The following AUTS2 variants were observed in gnomAD, a reference collection of about 807,000 sequenced individuals.
AUTS2 encodes the protein autism susceptibility gene 2 protein.
Under a neutral mutation model 112.4 loss-of-function variants are expected in AUTS2, and 17 were observed. The ratio of observed to expected loss-of-function variants is 0.15; its 90% CI spans 0.10 to 0.23. AUTS2 has a LOEUF of 0.23. Among genes scored for constraint, AUTS2 ranks in the 10% least tolerant of loss-of-function variants. The pLI is 1.00. For synonymous variants in AUTS2, 751 were observed against 702.7 expected (o/e 1.07, Z -1.09); for missense variants, 1,510 against 1,701.6 (o/e 0.89, Z 1.98).
rs1190353917 is a variant in AUTS2, at chr7:69,599,358, C to T, written c.-296C>T. 3 of 325,232 alleles carry T rather than the reference C, an allele frequency of 9.2e-6. No individual in the cohort carries two copies. Among genetic ancestry groups the T allele is most frequent in the Non-Finnish European group, 1.7e-5 (3 of 179,334 alleles). The allele number at this position is 325,232 out of a possible 1,614,324, so 20.1% of individuals were successfully genotyped here. ...CTGTGTGTTCAGCCATTACTTTGCT[C>T]GGCGCTGCTCCCAGGCATCTCCGAC... is the stretch of plus-strand genomic sequence containing the variant. On this transcript the variant is annotated 5_prime_UTR_variant, in exon 1 of 19. Transcript: ENST00000342771. The surrounding 1 kb of genome is among the most constrained non-coding windows in gnomAD (Gnocchi z 7.0).
chr7:70,408,481 T>A (rs1794636550), intron 4 of AUTS2, among the ~76,000 whole-genome samples: 1 of 151,862 alleles, frequency 6.6e-6, no homozygotes, highest in South Asian at 2.1e-4. Context: ...GATAGGGAGG[T>A]CTAATCAGGG....
chr7:70,705,734 G>A (rs1030831292), intron 6 of AUTS2, among the ~76,000 whole-genome samples: 2 of 152,306 alleles, frequency 1.3e-5, no homozygotes, highest in African/African-American at 4.8e-5. Context: ...AAGTGGCCCA[G>A]AAAGTGGAGA....
rs1683637569 is a variant in AUTS2 at position 70,762,753 on chromosome 7, G to T, written c.743-117G>T. ...TGGAGACAAGGACCCAAGCCAGGAG[G>T]GTTGGTGCCAGGTCCTGTTGCTGGA... On this transcript the variant is annotated intron_variant, in intron 6 of 18. Transcript: ENST00000342771. The T allele has an allele frequency of 1.0e-5, 8 of 781,286 alleles. No individual in the cohort carries two copies. The South Asian group carries it at 1.3e-4, about 12-fold the overall frequency. The allele number at this position is 781,286 out of a possible 1,614,324, so 48.4% of individuals were successfully genotyped here. A position where few individuals can be genotyped will look rare whatever the true frequency, so the allele number is the denominator to read the frequency against.
chr7:70,649,284 C>T (rs1013658935), intron 5 of AUTS2, among the ~76,000 whole-genome samples: 6 of 151,676 alleles, frequency 4.0e-5, no homozygotes, highest in Non-Finnish European at 5.9e-5. Context: ...TCTGTGGTCT[C>T]AGCTACTTGG....
rs753954038 is a variant in AUTS2 at position 70,546,454 on chromosome 7, A to T, written c.690+110673A>T. ...GTGAGACTCTGTCTCAAAACAAATC[A>T]AAAAATTTAATATAATATGTGTTCA... On this transcript the variant is annotated intron_variant, in intron 5 of 18. Transcript: ENST00000342771. Among the ~76,000 whole-genome samples, 6 of 150,962 alleles carry T rather than the reference A, an allele frequency of 4.0e-5. No individual in the cohort carries two copies. In the East Asian group the frequency reaches 1.2e-3, roughly 30 times the overall value.
intron 2 of AUTS2, among the ~76,000 whole-genome samples, chr7:70,101,158 G>A (rs1043379224): frequency 6.6e-6 from 1 of 152,088 alleles, no homozygotes; most frequent in Non-Finnish European, 1.5e-5. Context: ...GATTACAGGC[G>A]TGAGCCACTT....
intron 1 of AUTS2, among the ~76,000 whole-genome samples, chr7:69,715,537 G>T (rs1421999778): frequency 2.0e-5 from 3 of 152,158 alleles, no homozygotes; most frequent in African/African-American, 7.2e-5. Context: ...CATATGCTCA[G>T]TGAGCTCTTC....
chr7:70,203,637 CAG>C (rs1463010762), intron 4 of AUTS2, among the ~76,000 whole-genome samples: 2 of 147,276 alleles, frequency 1.4e-5, no homozygotes. Flanking sequence ...CTTTTTTAAA[CAG>C]AGTCTTCTTT....
chr7:70,468,997 A>G (rs1324915869), intron 5 of AUTS2, among the ~76,000 whole-genome samples: 1 of 152,242 alleles, frequency 6.6e-6, no homozygotes, highest in Non-Finnish European at 1.5e-5. Context: ...ATATAAAATA[A>G]TCGTCAGTAG....
At chr7:70,282,883 C>T (rs900818297) in intron 4 of AUTS2, among the ~76,000 whole-genome samples, 2 of 152,170 alleles carry the variant, frequency 1.3e-5, no homozygotes, top group African/African-American at 4.8e-5. Flanking sequence ...TATCAGCTTT[C>T]ATATCCCCAT....
intron 12 of AUTS2, 24 bp downstream of exon 12, chr7:70,774,123 C>T (rs779038789): frequency 1.2e-6 from 2 of 1,611,044 alleles, no homozygotes; most frequent in Non-Finnish European, 1.7e-6. Context: ...CAGGCTTGGT[C>T]TCAGGTAACA....
chr7:69,760,743 T>A (rs1402425438), intron 1 of AUTS2, among the ~76,000 whole-genome samples: 5 of 152,042 alleles, frequency 3.3e-5, no homozygotes, highest in Admixed American at 6.6e-5. Context: ...ATGCTTGAAC[T>A]TGGGAGGTGG....
chr7:69,678,549 C>T (rs182093504), intron 1 of AUTS2, among the ~76,000 whole-genome samples: 4 of 152,258 alleles, frequency 2.6e-5, no homozygotes, highest in East Asian at 1.9e-4. Flanking sequence ...CAAATTGCCT[C>T]GTGTACAGAC....
intron 2 of AUTS2, among the ~76,000 whole-genome samples, chr7:70,086,626 G>GT (rs985262863): frequency 1.5e-5 from 2 of 136,606 alleles, no homozygotes; most frequent in African/African-American, 5.7e-5. Flanking sequence ...GGGCAGCTGA[G>GT]TGAGACTCCA....
intron 6 of AUTS2, among the ~76,000 whole-genome samples, chr7:70,738,832 C>T (rs891950884): frequency 2.6e-5 from 4 of 152,012 alleles, no homozygotes; most frequent in African/African-American, 7.3e-5. Flanking sequence ...ATACATAGTT[C>T]AAATACAAGG....
At position 70,435,187 on chromosome 7, in the gene AUTS2, G is replaced by A. The variant is rs116194045; in HGVS notation, c.661-565G>A. Among the ~76,000 whole-genome samples the A allele has an allele frequency of 3.1e-3, 479 of 152,240 alleles. 3 individuals are homozygous for A. The highest frequency in any genetic ancestry group is 0.011 in the African/African-American group (468 of 41,540). ...CTTCTATTCTCTGGGCCTCTAAACC[G>A]GAAAAGGCAGCCATCACAAGTGGTG... On this transcript the variant is annotated intron_variant, in intron 4 of 18. Transcript: ENST00000342771.
chr7:70,786,517 A>G (rs1287935984), intron 17 of AUTS2, among the ~76,000 whole-genome samples: 1 of 152,142 alleles, frequency 6.6e-6, no homozygotes, highest in African/African-American at 2.4e-5. Context: ...TTTATTCTCC[A>G]TCATCTAGGA....
At chr7:70,040,650 GGA>G (rs1801205522) in intron 2 of AUTS2, among the ~76,000 whole-genome samples, 2 of 152,168 alleles carry the variant, frequency 1.3e-5, no homozygotes, top group Non-Finnish European at 2.9e-5. Context: ...GGACCACCCA[GGA>G]ACCTCTCTGG....
At chr7:70,290,739 A>G in intron 4 of AUTS2, 1 of 1,036,926 alleles carries the variant, frequency 9.6e-7, no homozygotes. Flanking sequence ...TTTTGGCATT[A>G]AGCTATGACT....
Sources: gnomAD v4.1 joint callset for allele counts (sites outside exome capture counted in the v4.1 genomes callset) on GRCh38, gnomAD v4.1.1 for gene constraint, Gnocchi (gnomAD v3.1) non-coding constraint, MANE v1.5 for transcripts, NCBI Gene and HGNC (gene_info 2026-07-23, HGNC 2026-07-21) for gene names.